The following METTL4 variants were observed in gnomAD, a reference collection of about 807,000 sequenced individuals.
METTL4 encodes methyltransferase 4, N6-adenosine, also known as N(6)-adenine-specific methyltransferase METTL4.
In METTL4, 40 loss-of-function variants were observed where a neutral mutation model predicts 54.0. That is an observed-to-expected ratio of 0.74 (90% CI 0.58 to 0.96). The LOEUF (loss-of-function observed/expected upper bound fraction) is 0.96. Among genes scored for constraint, METTL4 ranks in the 50% least tolerant of loss-of-function variants. METTL4 has a pLI of 0.00. For synonymous variants in METTL4, 169 were observed against 183.8 expected, an observed-to-expected ratio of 0.92 and a Z score of 0.65; for missense variants, 525 against 549.0, an observed-to-expected ratio of 0.96 and a Z score of 0.44.
chr18:2,557,308 A>G (rs544232697), intron 3 of METTL4, among the ~76,000 whole-genome samples: 1 of 152,170 alleles, frequency 6.6e-6, no homozygotes, highest in East Asian at 1.9e-4. Context: ...GTACCCCAAA[A>G]ATTTAAAAAA....
chr18:2,544,913 A>C (rs2072049453), intron 6 of METTL4, among the ~76,000 whole-genome samples, 154 bp from the exon 7 acceptor site: 1 of 151,168 alleles, frequency 6.6e-6, no homozygotes, highest in Admixed American at 6.6e-5. Flanking sequence ...TAATAGAAAC[A>C]CCAAAAGAAG....
At chr18:2,546,539 A>G (rs1018893613) in intron 6 of METTL4, among the ~76,000 whole-genome samples, 12 of 152,138 alleles carry the variant, frequency 7.9e-5, no homozygotes, top group Admixed American at 7.9e-4. Flanking sequence ...TAGATGAAAA[A>G]GTATACACAA....
intron 8 of METTL4, chr18:2,540,436 A>T: frequency 1.0e-6 from 1 of 983,080 alleles, no homozygotes. Flanking sequence ...TTTAAAAGAG[A>T]ATATATCAAA....
Position 2,563,822 on chromosome 18 carries a change from A to G in METTL4, c.434T>C (p.Leu145Ser). ...KRCVVFNQGE[L>S]DAMEYHTKIR... Reference sequence around the variant, plus strand: ...CTTTGTATGGTATTCCATAGCATCCAATTCACCTTGATTGAAAACAACACA... The same window carrying G: ...CTTTGTATGGTATTCCATAGCATCCGATTCACCTTGATTGAAAACAACACA... The change falls in exon 3 of 9, where the codon TTG becomes TCG. Residue 145 changes from leucine (L) to serine (S), a missense_variant. Leu to Ser is a moderately radical substitution (Grantham distance 145, BLOSUM62 -2). Transcript: ENST00000574538. 6.2e-7 allele frequency: 1 copy of G among 1,610,258 alleles called. No homozygotes were observed. Among genetic ancestry groups the G allele is most frequent in the Non-Finnish European group, 8.5e-7 (1 of 1,178,068 alleles).
chr18:2,547,557 C>T (rs747155310), intron 5 of METTL4, 28 bp from the exon 6 acceptor site: 8 of 1,523,156 alleles, frequency 5.3e-6, no homozygotes, highest in Non-Finnish European at 6.2e-6. Context: ...AAAGGATGAG[C>T]AAAATTCACT....
In METTL4 at chr18:2,554,924, G is replaced by C; in HGVS notation, c.574C>G (p.Pro192Ala). ...TCTGACAAACTGCAGGCGTCAAGTG[G>C]TAAAGTAATGGGCTTACTACCCTTG... is the stretch of plus-strand genomic sequence containing the variant. ...QDKGSKPITL[P>A]LDACSLSELC... The change falls in exon 4 of 9, where the codon CCA becomes GCA. Residue 192 changes from proline (P) to alanine (A), a missense_variant. By Grantham distance (27) the Pro-to-Ala change is conservative. Coordinates refer to ENST00000574538, the MANE Select transcript of METTL4 (RefSeq NM_022840.5). 1 of 1,614,050 alleles carries C rather than the reference G, an allele frequency of 6.2e-7. No homozygotes were observed. Among genetic ancestry groups the C allele is most frequent in the African/African-American group, 1.3e-5 (1 of 75,028 alleles).
At chr18:2,551,353 C>T (rs1339949992) in intron 5 of METTL4, among the ~76,000 whole-genome samples, 1 of 151,902 alleles carries the variant, frequency 6.6e-6, no homozygotes, top group East Asian at 1.9e-4. Context: ...ATATAGATAT[C>T]TGCACACACA....
At chr18:2,544,401 A>C in intron 7 of METTL4, 115 bp from the exon 8 acceptor site, 1 of 727,124 alleles carries the variant, frequency 1.4e-6, no homozygotes, top group Admixed American at 3.2e-5. Context: ...CACAAATTTT[A>C]CAATCAATGA....
At chr18:2,558,497 A>G (rs2072269806) in intron 3 of METTL4, among the ~76,000 whole-genome samples, 1 of 152,182 alleles carries the variant, frequency 6.6e-6, no homozygotes, top group Non-Finnish European at 1.5e-5. Context: ...TACAGCTTTA[A>G]GTGCTTAAGT....
At chr18:2,564,588 T>G (rs2072374614) in intron 2 of METTL4, among the ~76,000 whole-genome samples, 1 of 152,360 alleles carries the variant, frequency 6.6e-6, no homozygotes, top group East Asian at 1.9e-4. Context: ...CTGTTCTATA[T>G]CTAACAATAT....
intron 2 of METTL4, among the ~76,000 whole-genome samples, chr18:2,565,342 T>A (rs2072390749): frequency 6.6e-6 from 1 of 151,954 alleles, no homozygotes; most frequent in Non-Finnish European, 1.5e-5. Context: ...TGGGGCCTAC[T>A]GGAAGATGGA....
Position 2,547,413 on chromosome 18 carries a change from T to C in METTL4, c.1016A>G (p.Lys339Arg). 1 of 1,611,502 alleles carries C rather than the reference T, an allele frequency of 6.2e-7. No homozygotes were observed. Among genetic ancestry groups the C allele is most frequent in the Non-Finnish European group, 8.5e-7 (1 of 1,178,774 alleles). ...AGACCAAGAGGGATAAAGTTCTTCC[T>C]TTATAAAACGTAGGTGCTTCTGTCT... ...TNRQKHLRFI[K>R]EELYPSWSVE... is the part of the protein sequence containing the mutation. Residue 339 changes from lysine (K) to arginine (R), a missense_variant, in exon 6 of 9, where the codon AAG becomes AGG. Lys to Arg is a conservative substitution (Grantham distance 26). Transcript: ENST00000574538.
intron 8 of METTL4, chr18:2,540,722 A>G: frequency 1.0e-6 from 1 of 985,406 alleles, no homozygotes; most frequent in Non-Finnish European, 1.2e-6. Context: ...ACATGGAAGA[A>G]CTTTTCCATT....
rs535192025 is a variant in METTL4, at chr18:2,553,137, T to G, written c.830-373A>C. On this transcript the variant is annotated intron_variant, in intron 4 of 8. Coordinates refer to ENST00000574538, the MANE Select transcript of METTL4 (RefSeq NM_022840.5). ...TTTTATTTTAAAATAATTTCAGCCT[T>G]TACAACTGACTTATTGGCCATAATA... 5 of 156,484 alleles carry G rather than the reference T, an allele frequency of 3.2e-5. No individual in the cohort carries two copies. The East Asian group carries it at 5.6e-4, about 17-fold the overall frequency. 9.7% of individuals were successfully genotyped at this position (156,484 alleles called of 1,614,324 possible).
intron 5 of METTL4, among the ~76,000 whole-genome samples, 165 bp downstream of exon 5, chr18:2,552,530 T>C (rs1425461085): frequency 1.3e-5 from 2 of 152,202 alleles, no homozygotes; most frequent in Non-Finnish European, 2.9e-5. Context: ...TAGTTACAGT[T>C]CAAGAGAATT....
rs762795977 is a variant in METTL4, at chr18:2,544,741, A to G, written c.1093T>C (p.Phe365Leu). 6.2e-7 allele frequency: 1 copy of G among 1,612,244 alleles called. No individual in the cohort carries two copies. Among genetic ancestry groups the G allele is most frequent in the Admixed American group, 1.7e-5 (1 of 59,822 alleles). The change falls in exon 7 of 9, where the codon TTT becomes CTT. Residue 365 changes from phenylalanine to leucine, a missense_variant. Coordinates refer to ENST00000574538, the MANE Select transcript of METTL4 (RefSeq NM_022840.5). Reference protein sequence around the residue: ...HWVKITNSGEFVFPLDSPHKK... With the variant: ...HWVKITNSGELVFPLDSPHKK... ...TGTGGAGAATCTAATGGGAACACAA[A>G]TTCTCCTGAATTGGTTATCTGATAG...
chr18:2,540,216 T>A (rs2071974456), intron 8 of METTL4: 1 of 985,130 alleles, frequency 1.0e-6, no homozygotes, highest in Non-Finnish European at 1.2e-6. Flanking sequence ...CTCAATTGGA[T>A]GACAAATACT....
At chr18:2,540,705 T>C in intron 8 of METTL4, 3 of 985,400 alleles carry the variant, frequency 3.0e-6, no homozygotes, top group East Asian at 1.1e-4. Flanking sequence ...TTGGAGGAAA[T>C]AACCCCACAT....
chr18:2,544,614 T>A (rs771685389), intron 7 of METTL4, 39 bp downstream of exon 7: 1 of 1,242,386 alleles, frequency 8.0e-7, no homozygotes, highest in Non-Finnish European at 1.2e-6. Context: ...GCGTAAAAAT[T>A]AATACATGTA....
Sources: allele counts gnomAD v4.1 joint callset (sites outside exome capture counted in the v4.1 genomes callset), GRCh38; gene constraint gnomAD v4.1.1; transcripts MANE v1.5; gene names NCBI Gene and HGNC (gene_info 2026-07-23, HGNC 2026-07-21).